GART: variants seen among roughly 807,000 people sequenced by gnomAD.
GART encodes the protein trifunctional purine biosynthetic protein adenosine-3.
Under a neutral mutation model 107.2 loss-of-function variants are expected in GART, and 43 were observed. The observed-to-expected ratio is 0.40, with a 90% CI of 0.31 to 0.52. The LOEUF (loss-of-function observed/expected upper bound fraction) is 0.52. Among genes scored for constraint, GART ranks in the 20% least tolerant of loss-of-function variants. The probability of loss-of-function intolerance (pLI) is 0.52; values close to 1 mark genes in which losing one functional copy is unlikely to be tolerated. For synonymous variants in GART, 434 were observed against 427.0 expected (o/e 1.02, Z -0.20); for missense variants, 1,107 against 1,206.5 (o/e 0.92, Z 1.22).
chr21:33,527,298 C>T (rs1030697597), intron 10 of GART, among the ~76,000 whole-genome samples: 1 of 152,048 alleles, frequency 6.6e-6, no homozygotes, highest in Non-Finnish European at 1.5e-5. Context: ...GTAGGCGGAT[C>T]ACTTGAGGTC....
chr21:33,541,092 G>A (rs915735508), intron 1 of GART, among the ~76,000 whole-genome samples: 1 of 152,006 alleles, frequency 6.6e-6, no homozygotes, highest in African/African-American at 2.4e-5. Context: ...TAGTGTAACG[G>A]GAAAACACAT....
In GART at chr21:33,520,902, T is replaced by A. The variant is rs372809749; in HGVS notation, c.1503+4A>T. 6.3e-7 allele frequency: 1 copy of A among 1,585,302 alleles called. No homozygotes were observed. The highest frequency in any genetic ancestry group is 1.4e-5 in the African/African-American group (1 of 73,800). ...GGCCTTTATTCACAAAGGTGTCTGA[T>A]TACCTTTAGTTTAGTTCCAACGCCA... is the stretch of plus-strand genomic sequence containing the variant. On this transcript the variant is annotated splice_donor_region_variant and intron_variant, in intron 13 of 21. Transcript: ENST00000381815.
intron 10 of GART, among the ~76,000 whole-genome samples, chr21:33,527,010 C>T (rs149034444): frequency 6.6e-6 from 1 of 152,210 alleles, no homozygotes. Flanking sequence ...ACTGGTAAAA[C>T]TCAATATTGC....
At chr21:33,528,693 C>T in intron 8 of GART, 89 bp from the exon 9 acceptor site, 1 of 1,004,766 alleles carries the variant, frequency 1.0e-6, no homozygotes, top group Non-Finnish European at 1.4e-6. Context: ...ACTACATAAA[C>T]TTCTAATAAT....
intron 16 of GART, among the ~76,000 whole-genome samples, chr21:33,513,615 ACT>A (rs1180908387): frequency 1.3e-5 from 2 of 152,066 alleles, no homozygotes; most frequent in Non-Finnish European, 2.9e-5. Flanking sequence ...CATGTCTATG[ACT>A]CTTAGATTCA....
At chr21:33,505,852 G>A (rs970235360) in intron 19 of GART, 122 bp downstream of exon 19, 37 of 1,441,646 alleles carry the variant, frequency 2.6e-5, no homozygotes, top group Admixed American at 4.1e-5. Flanking sequence ...AAGAAGGCAA[G>A]CCCAGCACCC....
At chr21:33,524,476 A>G (rs1423393552) in intron 11 of GART, 1 of 733,154 alleles carries the variant, frequency 1.4e-6, no homozygotes, top group Non-Finnish European at 1.7e-6. Flanking sequence ...TGGGCGAGAG[A>G]GGAAGACCCT....
At chr21:33,515,133 C>T (rs2084851642) in intron 16 of GART, among the ~76,000 whole-genome samples, 1 of 152,160 alleles carries the variant, frequency 6.6e-6, no homozygotes, top group South Asian at 2.1e-4. Flanking sequence ...TCACCTTCAC[C>T]TGTGCCTTCA....
At chr21:33,538,218 T>C (rs1223454369) in intron 2 of GART, among the ~76,000 whole-genome samples, 5 of 122,676 alleles carry the variant, frequency 4.1e-5, no homozygotes, top group Non-Finnish European at 6.3e-5. Context: ...CACTCCAGTA[T>C]GGGTGAGAGT....
At chr21:33,505,487 G>A in intron 20 of GART, 74 bp downstream of exon 20, 1 of 1,352,644 alleles carries the variant, frequency 7.4e-7, no homozygotes, top group Non-Finnish European at 1.0e-6. Context: ...TACTGGGATT[G>A]TTTGGCAAGT....
intron 19 of GART, 27 bp from the exon 20 acceptor site, chr21:33,505,729 C>A (rs1201964459): frequency 1.9e-6 from 3 of 1,556,656 alleles, no homozygotes; most frequent in South Asian, 1.2e-5. Context: ...TAAGCACAAC[C>A]CTTTTCAATG....
chr21:33,522,259 C>T lies in GART; in HGVS notation c.1322G>A (p.Gly441Glu). 6 of 1,613,508 alleles carry T rather than the reference C, an allele frequency of 3.7e-6. No homozygotes were observed. Among genetic ancestry groups the T allele is most frequent in the Non-Finnish European group, 4.2e-6 (5 of 1,179,638 alleles). The change falls in exon 12 of 22, where the codon GGA (glycine) becomes GAA (glutamate). Residue 441 changes from glycine to glutamate, a missense_variant. Physicochemically the swap from Gly to Glu is moderately conservative, Grantham distance 98. Transcript: ENST00000381815. ...CATATTTCCAGCTGCGATATCTACT[C>T]CAGATTCCTTGTAAGTCAAACTCCT... ...QPRSLTYKES[G>E]VDIAAGNMLV... is the part of the protein sequence containing the mutation.
At chr21:33,542,888 C>T, upstream of GART, 1 of 609,458 alleles carries the variant, frequency 1.6e-6, no homozygotes, top group Non-Finnish European at 2.9e-6. Context: ...AACGTCAGCA[C>T]CTCTACCCCA....
chr21:33,519,488 A>G (rs1312546817), intron 14 of GART, among the ~76,000 whole-genome samples: 2 of 150,618 alleles, frequency 1.3e-5, no homozygotes, highest in Non-Finnish European at 3.0e-5. Flanking sequence ...CAGGAGGCAG[A>G]GCTTGCAGTG....
chr21:33,516,229 C>T (rs903976808), intron 16 of GART, among the ~76,000 whole-genome samples: 7 of 119,638 alleles, frequency 5.9e-5, no homozygotes, highest in Non-Finnish European at 1.1e-4. Context: ...GCCTGGGCTA[C>T]AGAGTGAGAC....
intron 12 of GART, 85 bp from the exon 13 acceptor site, chr21:33,521,100 A>T: frequency 2.7e-6 from 3 of 1,097,522 alleles, no homozygotes; most frequent in Non-Finnish European, 4.1e-6. Flanking sequence ...TAAAAAAACC[A>T]GTATATTTAG....
Position 33,503,984 on chromosome 21 carries a change from TAA to T in GART, c.*138_*139del. The T allele has an allele frequency of 1.5e-6, 1 of 676,504 alleles. No individual in the cohort carries two copies. The highest frequency in any genetic ancestry group is 2.4e-6 in the Non-Finnish European group (1 of 420,528). The allele number at this position is 676,504 out of a possible 1,614,324, so 41.9% of individuals were successfully genotyped here. A position where few individuals can be genotyped will look rare whatever the true frequency, so the allele number is the denominator to read the frequency against. ...TTGTTTTTAGTGAGTCTCTATTTAT[TAA>T]AAAAATAGATGAAGTAAGGGTGAGG... On this transcript the variant is annotated 3_prime_UTR_variant, in exon 22 of 22. Coordinates refer to ENST00000381815, the MANE Select transcript of GART (RefSeq NM_000819.5).
chr21:33,539,185 T>C lies in GART; in HGVS notation c.131A>G (p.Lys44Arg). The change falls in exon 2 of 22, where the codon AAG becomes AGG. Residue 44 changes from lysine (K) to arginine (R), a missense_variant. Physicochemically the swap from Lys to Arg is conservative, Grantham distance 26 (BLOSUM62 2). Transcript: ENST00000381815. Reference sequence around the variant, plus strand: ...AACATGATTACCGGTATTTGAAATCTTTTCAGAGCAGGCAGTGCCTGCGTT... The same window carrying C: ...AACATGATTACCGGTATTTGAAATCCTTTCAGAGCAGGCAGTGCCTGCGTT... ...PGNAGTACSE[K>R]ISNTAISISD... The C allele has an allele frequency of 1.2e-6, 2 of 1,612,050 alleles. No homozygotes were observed. Among genetic ancestry groups the C allele is most frequent in the South Asian group, 2.2e-5 (2 of 90,696 alleles).
At chr21:33,538,381 A>G (rs2085343910) in intron 2 of GART, among the ~76,000 whole-genome samples, 1 of 151,624 alleles carries the variant, frequency 6.6e-6, no homozygotes, top group East Asian at 1.9e-4. Context: ...GATGTGCACC[A>G]CCATGCCTGG....
Sources: allele counts gnomAD v4.1 joint callset (sites outside exome capture counted in the v4.1 genomes callset), GRCh38; gene constraint gnomAD v4.1.1; transcripts MANE v1.5; gene names NCBI Gene and HGNC (gene_info 2026-07-23, HGNC 2026-07-21).